Variants in RNF217 observed in about 807,000 individuals in gnomAD.
The protein encoded by RNF217 is ring finger protein 217.
In RNF217, 31 loss-of-function variants were observed where a neutral mutation model predicts 57.8. That is an observed-to-expected ratio of 0.54 (90% CI 0.40 to 0.72). The LOEUF (loss-of-function observed/expected upper bound fraction) is 0.72. Among genes scored for constraint, RNF217 ranks in the 30% least tolerant of loss-of-function variants. The probability of loss-of-function intolerance (pLI) is 0.00; values close to 1 mark genes in which losing one functional copy is unlikely to be tolerated. For synonymous variants in RNF217, 313 were observed against 294.0 expected, an observed-to-expected ratio of 1.06 and a Z score of -0.66; for missense variants, 696 against 708.3, an observed-to-expected ratio of 0.98 and a Z score of 0.20.
intron 1 of RNF217, among the ~76,000 whole-genome samples, chr6:124,998,999 A>G (rs1346557035): frequency 6.6e-6 from 1 of 152,212 alleles, no homozygotes; most frequent in Non-Finnish European, 1.5e-5. Context: ...TCAAAAATAG[A>G]TACATGTAAT....
At chr6:124,984,440 AG>A in intron 1 of RNF217, among the ~76,000 whole-genome samples, 1 of 151,698 alleles carries the variant, frequency 6.6e-6, no homozygotes, top group East Asian at 2.0e-4. Context: ...CCCAGCTACC[AG>A]GGAGACTTGA....
intron 1 of RNF217, among the ~76,000 whole-genome samples, chr6:125,024,592 C>T (rs1785992311): frequency 6.6e-6 from 1 of 151,970 alleles, no homozygotes; most frequent in Non-Finnish European, 1.5e-5. Context: ...GCGGTGCATG[C>T]CTGTAATCCC....
chr6:124,963,415 C>A lies in RNF217; in HGVS notation c.871C>A (p.Leu291Met). 6.8e-7 allele frequency: 1 copy of A among 1,465,804 alleles called. No individual in the cohort carries two copies. 90.8% of individuals were successfully genotyped at this position (1,465,804 alleles called of 1,614,324 possible). ...AVCEECLKVY[L>M]SAQVQLGQVE... ...GTGCGAGGAGTGCCTCAAAGTCTAC[C>A]TGAGCGCCCAGGTAACTTCACCCCC... The change falls in exon 1 of 6, where the codon CTG becomes ATG. Residue 291 changes from leucine to methionine, a missense_variant. Coordinates refer to ENST00000521654, the MANE Select transcript of RNF217 (RefSeq NM_001286398.3).
intron 2 of RNF217, among the ~76,000 whole-genome samples, chr6:125,050,607 T>C (rs1438475970): frequency 1.3e-5 from 2 of 151,978 alleles, no homozygotes; most frequent in Non-Finnish European, 2.9e-5. Context: ...CTTTAAAACG[T>C]GCTTAACCTT....
intron 1 of RNF217, among the ~76,000 whole-genome samples, chr6:125,013,789 A>G (rs532210453): frequency 1.7e-4 from 26 of 152,298 alleles, no homozygotes; most frequent in African/African-American, 6.3e-4. Flanking sequence ...TTTTTAGTCT[A>G]GCAGATCTAT....
intron 1 of RNF217, among the ~76,000 whole-genome samples, chr6:124,989,367 CTTCT>C (rs1784470690): frequency 6.6e-6 from 1 of 152,120 alleles, no homozygotes; most frequent in Admixed American, 6.6e-5. Context: ...GTTTATTTAT[CTTCT>C]TTCTTCTTTT....
chr6:125,066,161 T>G (rs1282479866), intron 3 of RNF217, among the ~76,000 whole-genome samples: 1 of 152,198 alleles, frequency 6.6e-6, no homozygotes, highest in Non-Finnish European at 1.5e-5. Context: ...GGGCAAGGCA[T>G]CATCGTCTTT....
intron 1 of RNF217, among the ~76,000 whole-genome samples, chr6:125,033,868 C>T (rs1786478344): frequency 2.0e-5 from 3 of 152,014 alleles, no homozygotes; most frequent in African/African-American, 7.2e-5. Flanking sequence ...TGTTTCCTGA[C>T]TTTTTAATGA....
At position 125,050,586 on chromosome 6, in the gene RNF217, G is replaced by A. The variant is rs192733523; in HGVS notation, c.1116+5142G>A. Among the ~76,000 whole-genome samples the A allele has an allele frequency of 5.4e-4, 82 of 151,948 alleles. 1 individual carries two copies. Among genetic ancestry groups the A allele is most frequent in the African/African-American group, 1.5e-3 (61 of 41,496 alleles). The stretch of plus-strand genomic sequence containing the variant: ...TACAGTCAAATCAATCGGTTGTTGC[G>A]AACTGGTGTACTTTAAAACGTGCTT... On this transcript the variant is annotated intron_variant, in intron 2 of 5. Coordinates refer to ENST00000521654, the MANE Select transcript of RNF217 (RefSeq NM_001286398.3).
intron 2 of RNF217, chr6:125,046,552 A>G: frequency 2.2e-6 from 1 of 455,466 alleles, no homozygotes. Context: ...TTTGCAGTAA[A>G]TGAAGCAGAA....
In RNF217 at chr6:125,084,843, A is replaced by G. The variant is rs973549398; in HGVS notation, c.*1906A>G. On this transcript the variant is annotated 3_prime_UTR_variant, in exon 6 of 6. Transcript: ENST00000521654. Reference sequence around the variant, plus strand: ...ATTCACCCATCCATCCATTTAACAGATATTTATTGAGTGCCTATCTTAGGT... The same window carrying G: ...ATTCACCCATCCATCCATTTAACAGGTATTTATTGAGTGCCTATCTTAGGT... The G allele has an allele frequency of 4.0e-5, 6 of 151,876 alleles. No individual in the cohort carries two copies. The highest frequency in any genetic ancestry group is 1.4e-4 in the African/African-American group (6 of 41,402). The allele number at this position is 151,876 out of a possible 1,614,324, so 9.4% of individuals were successfully genotyped here.
At position 125,084,549 on chromosome 6, in the gene RNF217, T is replaced by G. The variant is rs1019469782; in HGVS notation, c.*1612T>G. On this transcript the variant is annotated 3_prime_UTR_variant, in exon 6 of 6. Coordinates refer to ENST00000521654, the MANE Select transcript of RNF217 (RefSeq NM_001286398.3). Reference sequence around the variant, plus strand: ...TGATATGATAAAACATGCATTAACATGAGTAGTTTATTTTTGTTGGGCTCC... The same window carrying G: ...TGATATGATAAAACATGCATTAACAGGAGTAGTTTATTTTTGTTGGGCTCC... The G allele has an allele frequency of 2.0e-5, 3 of 151,994 alleles. No homozygotes were observed. The highest frequency in any genetic ancestry group is 6.6e-5 in the Admixed American group (1 of 15,236). 9.4% of individuals were successfully genotyped at this position (151,994 alleles called of 1,614,324 possible).
chr6:125,031,189 C>T (rs1289429789), intron 1 of RNF217, among the ~76,000 whole-genome samples: 1 of 152,210 alleles, frequency 6.6e-6, no homozygotes, highest in Admixed American at 6.5e-5. Flanking sequence ...GTGGGCCCAG[C>T]CCACGAAACC....
chr6:124,964,766 A>T (rs1783468360), intron 1 of RNF217, among the ~76,000 whole-genome samples: 1 of 152,216 alleles, frequency 6.6e-6, no homozygotes, highest in Non-Finnish European at 1.5e-5. Context: ...TGGTTGTGGT[A>T]GTTTCTGTAT....
chr6:125,046,908 C>T (rs777596939), intron 2 of RNF217, among the ~76,000 whole-genome samples: 23 of 151,922 alleles, frequency 1.5e-4, no homozygotes, highest in Non-Finnish European at 3.4e-4. Flanking sequence ...GAAAAAAATC[C>T]TATTTTTCTC....
intron 1 of RNF217, among the ~76,000 whole-genome samples, chr6:125,016,047 A>G (rs1785590598): frequency 6.6e-6 from 1 of 152,188 alleles, no homozygotes; most frequent in African/African-American, 2.4e-5. Context: ...AAGGAAGCCC[A>G]CGAATCTAAT....
chr6:124,967,048 A>T (rs896435760), intron 1 of RNF217, among the ~76,000 whole-genome samples: 1 of 152,324 alleles, frequency 6.6e-6, no homozygotes, highest in Non-Finnish European at 1.5e-5. Context: ...ACAGATTATG[A>T]ATCTTTAGCA....
At position 124,962,529 on chromosome 6, in the gene RNF217, C is replaced by A; in HGVS notation, c.-16C>A. 3.4e-6 allele frequency: 4 copies of A among 1,160,628 alleles called. No individual in the cohort carries two copies. Among genetic ancestry groups the A allele is most frequent in the Non-Finnish European group, 4.3e-6 (4 of 939,586 alleles). 71.9% of individuals were successfully genotyped at this position (1,160,628 alleles called of 1,614,324 possible). On this transcript the variant is annotated 5_prime_UTR_variant, in exon 1 of 6. Coordinates refer to ENST00000521654, the MANE Select transcript of RNF217 (RefSeq NM_001286398.3). This position sits in a 1 kb window ranked among gnomAD's most constrained non-coding sequence, Gnocchi z 4.6. Reference sequence around the variant, plus strand: ...GGCGGCTGGATGGGCAGCGGCGGCGCGGGCCGCGGGCGGCGATGGGCGAGG... The same window carrying A: ...GGCGGCTGGATGGGCAGCGGCGGCGAGGGCCGCGGGCGGCGATGGGCGAGG...
At chr6:125,036,299 G>A (rs1376642190) in intron 1 of RNF217, among the ~76,000 whole-genome samples, 1 of 152,092 alleles carries the variant, frequency 6.6e-6, no homozygotes, top group African/African-American at 2.4e-5. Flanking sequence ...CTGTATATAT[G>A]CCACATTTTC....
Sources: gnomAD v4.1 joint callset for allele counts (sites outside exome capture counted in the v4.1 genomes callset) on GRCh38, gnomAD v4.1.1 for gene constraint, Gnocchi (gnomAD v3.1) non-coding constraint, MANE v1.5 for transcripts, NCBI Gene and HGNC (gene_info 2026-07-23, HGNC 2026-07-21) for gene names.